The following EPHB2 variants were observed in gnomAD, a reference collection of about 807,000 sequenced individuals.
EPHB2 encodes the protein EPH receptor B2.
Under a neutral mutation model 96.4 loss-of-function variants are expected in EPHB2, and 18 were observed. The ratio of observed to expected loss-of-function variants is 0.19; its 90% CI spans 0.13 to 0.28. The LOEUF is 0.28. EPHB2 is among the 10% of genes least tolerant of loss of function. The pLI is 1.00. For synonymous variants in EPHB2, 506 were observed against 534.1 expected, an observed-to-expected ratio of 0.95 and a Z score of 0.72; for missense variants, 989 against 1,355.4, an observed-to-expected ratio of 0.73 and a Z score of 4.25.
chr1:22,777,060 T>G (rs1644463140), intron 1 of EPHB2, among the ~76,000 whole-genome samples: 1 of 152,084 alleles, frequency 6.6e-6, no homozygotes, highest in Admixed American at 6.5e-5. Flanking sequence ...TGGGGCAGAA[T>G]GGATTTAAGA....
chr1:22,816,202 T>TGTA (rs1225136093), intron 3 of EPHB2, among the ~76,000 whole-genome samples: 1 of 152,120 alleles, frequency 6.6e-6, no homozygotes, highest in African/African-American at 2.4e-5. Context: ...TTGGTGTCTC[T>TGTA]ATCCAGGGTG....
intron 1 of EPHB2, among the ~76,000 whole-genome samples, chr1:22,740,724 C>T (rs1028419409): frequency 3.3e-5 from 5 of 152,180 alleles, no homozygotes; most frequent in Non-Finnish European, 5.9e-5. Flanking sequence ...CTCTGCCTGG[C>T]GGCCCTTCCC....
At chr1:22,874,203 T>C (rs1638765964) in intron 5 of EPHB2, among the ~76,000 whole-genome samples, 1 of 152,228 alleles carries the variant, frequency 6.6e-6, no homozygotes, top group Non-Finnish European at 1.5e-5. Context: ...GACCCCTTAA[T>C]CTGGGCCAAG....
intron 1 of EPHB2, among the ~76,000 whole-genome samples, chr1:22,723,312 A>G (rs1187957912): frequency 6.6e-6 from 1 of 152,254 alleles, no homozygotes. Flanking sequence ...GGAACCCACG[A>G]AAGGCCATGG....
chr1:22,721,267 G>A (rs74060651), intron 1 of EPHB2, among the ~76,000 whole-genome samples: 2,535 of 152,306 alleles, frequency 0.017, 62 homozygotes, highest in African/African-American at 0.058. Flanking sequence ...TGAGCTCTGA[G>A]CGTTGCTTCC....
In EPHB2 at chr1:22,736,446, A is replaced by G. The variant is rs116895032; in HGVS notation, c.61+25403A>G. On this transcript the variant is annotated intron_variant, in intron 1 of 15. Transcript: ENST00000374630. ...GAGTTCCATGGGGCCCCCCTTCCCA[A>G]TGCATGAGCCGAGGCTCTGTTTAGC... Among the ~76,000 whole-genome samples the G allele has an allele frequency of 3.7e-3, 570 of 152,224 alleles. 18 individuals carry two copies. The East Asian group carries it at 0.064, about 17-fold the overall frequency.
chr1:22,898,098 G>A (rs1416498677), intron 9 of EPHB2, among the ~76,000 whole-genome samples: 2 of 131,578 alleles, frequency 1.5e-5, no homozygotes, highest in Admixed American at 8.5e-5. Context: ...CAGCCTGGGT[G>A]ACAGAGCAAG....
chr1:22,757,131 G>T (rs1055219926), intron 1 of EPHB2, among the ~76,000 whole-genome samples: 1 of 152,110 alleles, frequency 6.6e-6, no homozygotes, highest in Non-Finnish European at 1.5e-5. Flanking sequence ...GATGGTGGGT[G>T]GGAGAGGGCC....
intron 9 of EPHB2, among the ~76,000 whole-genome samples, chr1:22,899,203 AAAAAAAAAT>A (rs1273639407): frequency 6.9e-6 from 1 of 145,186 alleles, no homozygotes; most frequent in African/African-American, 2.6e-5. Context: ...CAAAAAAAAA[AAAAAAAAAT>A]AGTTTGGGGC....
chr1:22,889,702 G>T (rs1463738289), intron 6 of EPHB2, among the ~76,000 whole-genome samples: 2 of 152,146 alleles, frequency 1.3e-5, no homozygotes, highest in Admixed American at 6.5e-5. Context: ...AGTCTTGAAC[G>T]ATGAGTAGGA....
intron 1 of EPHB2, among the ~76,000 whole-genome samples, chr1:22,777,379 G>C (rs1446962596): frequency 6.6e-6 from 1 of 152,144 alleles, no homozygotes; most frequent in African/African-American, 2.4e-5. Flanking sequence ...TGAGAATGTT[G>C]GTGAGAGATT....
chr1:22,712,517 G>A (rs1017224372), intron 1 of EPHB2, among the ~76,000 whole-genome samples: 1 of 152,114 alleles, frequency 6.6e-6, no homozygotes, highest in African/African-American at 2.4e-5. Flanking sequence ...CGTCGTGGGG[G>A]ACCCTGTGCT....
chr1:22,868,216 C>T (rs377168717), intron 5 of EPHB2, among the ~76,000 whole-genome samples: 9 of 152,046 alleles, frequency 5.9e-5, no homozygotes, highest in Non-Finnish European at 8.8e-5. Flanking sequence ...AGAGATGGGG[C>T]GGAGTATGGA....
At chr1:22,903,839 G>A (rs1639823351) in intron 9 of EPHB2, among the ~76,000 whole-genome samples, 1 of 151,792 alleles carries the variant, frequency 6.6e-6, no homozygotes, top group African/African-American at 2.4e-5. Context: ...GGAGAAATCA[G>A]AAAAAAAACA....
At chr1:22,736,348 G>T (rs1483076764) in intron 1 of EPHB2, among the ~76,000 whole-genome samples, 7 of 152,202 alleles carry the variant, frequency 4.6e-5, no homozygotes, top group Admixed American at 1.3e-4. Flanking sequence ...AATGAGGCCT[G>T]GTGCTGGGCC....
At chr1:22,741,763 T>C (rs1436700967) in intron 1 of EPHB2, among the ~76,000 whole-genome samples, 2 of 149,964 alleles carry the variant, frequency 1.3e-5, no homozygotes, top group Non-Finnish European at 3.0e-5. Flanking sequence ...GCAATAATAG[T>C]TCACCTGCGT....
intron 1 of EPHB2, among the ~76,000 whole-genome samples, chr1:22,737,328 T>G (rs1436174166): frequency 6.6e-6 from 1 of 152,192 alleles, no homozygotes; most frequent in Admixed American, 6.5e-5. Flanking sequence ...CTTGGGCTCC[T>G]TATCTAAAAA....
At chr1:22,832,004 CCAG>C (rs1203112074) in intron 3 of EPHB2, among the ~76,000 whole-genome samples, 1 of 152,188 alleles carries the variant, frequency 6.6e-6, no homozygotes, top group African/African-American at 2.4e-5. Flanking sequence ...TTGGGCTTCC[CCAG>C]GCCCCAAATG....
chr1:22,793,383 G>T (rs546136738), intron 3 of EPHB2, among the ~76,000 whole-genome samples: 1 of 152,308 alleles, frequency 6.6e-6, no homozygotes, highest in African/African-American at 2.4e-5. Context: ...GGGGTGCTTA[G>T]GAGGGAATGG....
Sources: gnomAD v4.1 joint callset for allele counts (sites outside exome capture counted in the v4.1 genomes callset) on GRCh38, gnomAD v4.1.1 for gene constraint, MANE v1.5 for transcripts, NCBI Gene and HGNC (gene_info 2026-07-23, HGNC 2026-07-21) for gene names.